C10orf90: variants seen among roughly 807,000 people sequenced by gnomAD.
C10orf90 encodes chromosome 10 open reading frame 90.
Under a neutral mutation model 62.5 loss-of-function variants are expected in C10orf90, and 56 were observed. The observed-to-expected ratio is 0.90, with a 90% CI of 0.72 to 1.12. The LOEUF (loss-of-function observed/expected upper bound fraction) is 1.12. C10orf90 is among the 50% of genes most tolerant of loss of function. The pLI is 0.00. For synonymous variants in C10orf90, 386 were observed against 340.4 expected (o/e 1.13, Z -1.47); for missense variants, 970 against 880.4 (o/e 1.10, Z -1.29).
chr10:126,649,574 G>A (rs577773625), intron 1 of C10orf90, among the ~76,000 whole-genome samples: 16 of 152,256 alleles, frequency 1.1e-4, no homozygotes, highest in African/African-American at 2.6e-4. Flanking sequence ...GCCCACATGC[G>A]TGTCTCTCCT....
intron 2 of C10orf90, among the ~76,000 whole-genome samples, chr10:126,528,273 C>T (rs1344825964): frequency 6.6e-6 from 1 of 151,920 alleles, no homozygotes. Context: ...GATATCTAGA[C>T]AAAGAGAGAG....
chr10:126,432,682 T>C (rs1194362756), intron 7 of C10orf90, among the ~76,000 whole-genome samples: 1 of 152,190 alleles, frequency 6.6e-6, no homozygotes, highest in African/African-American at 2.4e-5. Flanking sequence ...TCATCGTGGC[T>C]GTGCGGGGAG....
At chr10:126,542,676 T>C (rs115098223) in intron 2 of C10orf90, among the ~76,000 whole-genome samples, 37 of 152,264 alleles carry the variant, frequency 2.4e-4, no homozygotes, top group African/African-American at 7.5e-4. Context: ...AACAAGGAGA[T>C]ACTCTGTCTT....
chr10:126,541,569 G>A (rs1386288029), intron 2 of C10orf90, among the ~76,000 whole-genome samples: 2 of 152,154 alleles, frequency 1.3e-5, no homozygotes, highest in Admixed American at 6.5e-5. Context: ...AAACAGATAT[G>A]TGAATGGCCA....
At chr10:126,585,269 G>C (rs914132401) in intron 2 of C10orf90, among the ~76,000 whole-genome samples, 1 of 149,226 alleles carries the variant, frequency 6.7e-6, no homozygotes. Context: ...GGAAAAGAAA[G>C]AAAGAAAAAG....
chr10:126,616,422 T>C (rs1845542876), intron 2 of C10orf90, among the ~76,000 whole-genome samples: 1 of 152,224 alleles, frequency 6.6e-6, no homozygotes, highest in Non-Finnish European at 1.5e-5. Flanking sequence ...ATTCAAAATA[T>C]GATTCTCCCT....
At chr10:126,655,267 G>A (rs755945846) in intron 1 of C10orf90, among the ~76,000 whole-genome samples, 4 of 152,100 alleles carry the variant, frequency 2.6e-5, no homozygotes, top group African/African-American at 4.8e-5. Flanking sequence ...GCAGTGGGCC[G>A]AGATCGTTCC....
intron 2 of C10orf90, among the ~76,000 whole-genome samples, chr10:126,592,080 C>T (rs1157561113): frequency 6.6e-6 from 1 of 152,192 alleles, no homozygotes; most frequent in Non-Finnish European, 1.5e-5. Context: ...ATTCCATGCT[C>T]ATGAATAGGA....
intron 4 of C10orf90, among the ~76,000 whole-genome samples, chr10:126,471,739 AAT>A (rs372924760): frequency 3.6e-4 from 55 of 152,286 alleles, no homozygotes; most frequent in African/African-American, 1.3e-3. Flanking sequence ...GCAAAGTAGG[AAT>A]ATATATATCT....
chr10:126,664,232 C>T (rs1009634998), intron 1 of C10orf90, among the ~76,000 whole-genome samples: 4 of 152,058 alleles, frequency 2.6e-5, no homozygotes. Flanking sequence ...TGTGGGGAAG[C>T]AGGGAAAGGA....
intron 2 of C10orf90, among the ~76,000 whole-genome samples, chr10:126,583,012 G>T (rs935963719): frequency 6.6e-6 from 1 of 152,146 alleles, no homozygotes; most frequent in Non-Finnish European, 1.5e-5. Flanking sequence ...TTGTTGGGGG[G>T]TGGCTGTGCT....
At chr10:126,597,303 G>A (rs1591130877) in intron 2 of C10orf90, among the ~76,000 whole-genome samples, 1 of 152,250 alleles carries the variant, frequency 6.6e-6, no homozygotes, top group East Asian at 1.9e-4. Flanking sequence ...ATGTAATGGA[G>A]AGTAGTACTC....
At chr10:126,631,654 C>A (rs1002693093) in intron 2 of C10orf90, among the ~76,000 whole-genome samples, 1 of 152,024 alleles carries the variant, frequency 6.6e-6, no homozygotes, top group Admixed American at 6.5e-5. Flanking sequence ...AAGAGGGGAA[C>A]CACCCTTCTG....
At chr10:126,564,367 CA>C (rs1844253079) in intron 2 of C10orf90, among the ~76,000 whole-genome samples, 1 of 151,968 alleles carries the variant, frequency 6.6e-6, no homozygotes, top group Admixed American at 6.6e-5. Flanking sequence ...GCAGCAGCAG[CA>C]AAGTCCCACT....
Position 126,621,141 on chromosome 10 carries a change from A to G in C10orf90, c.313+25424T>C, listed in dbSNP as rs371276429. ...TACTGCTATGAACATCTTCAAGTAT[A>G]TAGTTGTTTTGCCTCTGTTGAATTC... On this transcript the variant is annotated intron_variant, in intron 2 of 9. Transcript: ENST00000488181. 1.4e-4 allele frequency among the ~76,000 whole-genome samples: 22 copies of G among 152,338 alleles called. No individual in the cohort carries two copies. In the South Asian group the frequency reaches 2.1e-3, roughly 14 times the overall value.
At position 126,456,642 on chromosome 10, in the gene C10orf90, G is replaced by A. The variant is rs563295121; in HGVS notation, c.2188+2398C>T. Among the ~76,000 whole-genome samples, 1 of 152,286 alleles carries A rather than the reference G, an allele frequency of 6.6e-6. No homozygotes were observed. Among genetic ancestry groups the A allele is most frequent in the South Asian group, 2.1e-4 (1 of 4,824 alleles). On this transcript the variant is annotated intron_variant, in intron 7 of 9. Coordinates refer to ENST00000488181, the MANE Select transcript of C10orf90 (RefSeq NM_001350921.2). The surrounding 1 kb of genome is among the most constrained non-coding windows in gnomAD (Gnocchi z 4.9). ...TCTGAATGTGACTTCTTTGGAAATAGGGTCTTTGCAGAGGTAATCAAGTTA... is the reference window on the plus strand; with the variant it reads ...TCTGAATGTGACTTCTTTGGAAATAAGGTCTTTGCAGAGGTAATCAAGTTA...
intron 2 of C10orf90, among the ~76,000 whole-genome samples, chr10:126,585,318 GGAGGAAGA>G (rs1844838050): frequency 1.4e-5 from 2 of 144,218 alleles, no homozygotes; most frequent in Non-Finnish European, 3.1e-5. Flanking sequence ...GGGAGGAAGG[GGAGGAAGA>G]GAGGGAGAGA....
At chr10:126,628,836 G>A (rs1047262678) in intron 2 of C10orf90, among the ~76,000 whole-genome samples, 7 of 152,320 alleles carry the variant, frequency 4.6e-5, no homozygotes, top group Admixed American at 4.6e-4. Flanking sequence ...CTCACTGGCA[G>A]GAGTGCAACT....
At chr10:126,585,394 A>AT (rs1353561467) in intron 2 of C10orf90, among the ~76,000 whole-genome samples, 3 of 150,752 alleles carry the variant, frequency 2.0e-5, no homozygotes, top group East Asian at 3.9e-4. Context: ...AAAGGAAAGA[A>AT]GGAAGAAAAG....
Sources: allele counts gnomAD v4.1 joint callset (sites outside exome capture counted in the v4.1 genomes callset), GRCh38; gene constraint gnomAD v4.1.1; non-coding constraint Gnocchi (gnomAD v3.1); transcripts MANE v1.5; gene names NCBI Gene and HGNC (gene_info 2026-07-23, HGNC 2026-07-21).